Variants in COMMD6 observed in about 807,000 individuals in gnomAD.
The protein encoded by COMMD6 is COMM domain-containing protein 6.
In COMMD6, 11 loss-of-function variants were observed where a neutral mutation model predicts 13.4. The ratio of observed to expected loss-of-function variants is 0.82; its 90% CI spans 0.52 to 1.36. The LOEUF is 1.36. COMMD6 is among the 40% of genes most tolerant of loss of function. COMMD6 has a pLI of 0.00. For synonymous variants in COMMD6, 43 were observed against 36.5 expected (o/e 1.18, Z -0.64); for missense variants, 124 against 102.4 (o/e 1.21, Z -0.91).
At chr13:75,531,868 C>G (rs1454432155) in intron 2 of COMMD6, among the ~76,000 whole-genome samples, 1 of 152,218 alleles carries the variant, frequency 6.6e-6, no homozygotes, top group Non-Finnish European at 1.5e-5. Flanking sequence ...CTTAGAAAAA[C>G]TTTTTGAATA....
At chr13:75,546,134 A>C (rs2138431761) in intron 1 of COMMD6, among the ~76,000 whole-genome samples, 1 of 152,334 alleles carries the variant, frequency 6.6e-6, no homozygotes, top group Middle Eastern at 3.4e-3. Context: ...TATCCCCAAA[A>C]ATTGAAAAAT....
chr13:75,544,849 C>T (rs1348886163), intron 1 of COMMD6, among the ~76,000 whole-genome samples: 1 of 145,648 alleles, frequency 6.9e-6, no homozygotes, highest in Non-Finnish European at 1.5e-5. Flanking sequence ...TTGCTTGAAC[C>T]TGGGAGGCGG....
At position 75,528,698 on chromosome 13, in the gene COMMD6, T is replaced by G. The variant is rs149265064; in HGVS notation, c.207+1416A>C. Among the ~76,000 whole-genome samples the G allele has an allele frequency of 3.9e-3, 587 of 151,820 alleles. 4 individuals are homozygous for G. The highest frequency in any genetic ancestry group is 0.013 in the African/African-American group (550 of 41,380). On this transcript the variant is annotated intron_variant, in intron 3 of 3. Coordinates refer to ENST00000682242, the MANE Select transcript of COMMD6 (RefSeq NM_203495.4). Reference sequence around the variant, plus strand: ...CTCTACTAAAAATACAAAAATTAGCTGGGCGTGGTGCTGCGTGCCTGTAAT... The same window carrying G: ...CTCTACTAAAAATACAAAAATTAGCGGGGCGTGGTGCTGCGTGCCTGTAAT...
intron 2 of COMMD6, among the ~76,000 whole-genome samples, chr13:75,533,748 G>C (rs1301794615): frequency 6.6e-6 from 1 of 152,062 alleles, no homozygotes; most frequent in Non-Finnish European, 1.5e-5. Flanking sequence ...TACAACTATA[G>C]TTGTTTATAG....
intron 2 of COMMD6, among the ~76,000 whole-genome samples, chr13:75,530,816 A>C (rs1424627525): frequency 6.6e-6 from 1 of 152,246 alleles, no homozygotes; most frequent in Non-Finnish European, 1.5e-5. Context: ...GGTAATGTGC[A>C]TAAAGTCACA....
chr13:75,526,305 C>T lies in COMMD6; in HGVS notation c.*284G>A. The T allele has an allele frequency of 3.5e-6, 1 of 284,678 alleles. No homozygotes were observed. The highest frequency in any genetic ancestry group is 6.4e-6 in the Non-Finnish European group (1 of 155,150). 17.6% of individuals were successfully genotyped at this position (284,678 alleles called of 1,614,324 possible). ...TGTAACACATAAATTTGTGCTGCCT[C>T]CAACAGCAATGATTCAACTGTTAGT... On this transcript the variant is annotated 3_prime_UTR_variant, in exon 4 of 4. Transcript: ENST00000682242.
In COMMD6 at chr13:75,525,308, A is replaced by C. The variant is rs1204867515; in HGVS notation, c.*1281T>G. Reference sequence around the variant, plus strand: ...TTTTTGCATATTGCCTTAAACCTAGAAATGCTACCCTGCAAACAGGGAAGG... The same window carrying C: ...TTTTTGCATATTGCCTTAAACCTAGCAATGCTACCCTGCAAACAGGGAAGG... On this transcript the variant is annotated 3_prime_UTR_variant, in exon 4 of 4. Coordinates refer to ENST00000682242, the MANE Select transcript of COMMD6 (RefSeq NM_203495.4). The C allele has an allele frequency of 6.6e-6, 1 of 152,216 alleles. No homozygotes were observed. The highest frequency in any genetic ancestry group is 2.4e-5 in the African/African-American group (1 of 41,462). The allele number at this position is 152,216 out of a possible 1,614,324, so 9.4% of individuals were successfully genotyped here. A position where few individuals can be genotyped will look rare whatever the true frequency, so the allele number is the denominator to read the frequency against.
In COMMD6 at chr13:75,526,590, C is replaced by T. The variant is rs2030268346; in HGVS notation, c.257G>A (p.Ter86=). Residue 86 remains the stop codon, a stop_retained_variant, in exon 4 of 4, where the codon TGA becomes TAA. Coordinates refer to ENST00000682242, the MANE Select transcript of COMMD6 (RefSeq NM_203495.4). ...ATTTATCAACCAAAGAATCCGTCTT[C>T]ACACCGTTTCAATAACTGCAGCAAT... ...KEIAAVIETV[*] is the part of the protein sequence containing the mutation. The T allele has an allele frequency of 6.2e-7, 1 of 1,602,016 alleles. No homozygotes were observed. The highest frequency in any genetic ancestry group is 2.2e-5 in the East Asian group (1 of 44,568).
chr13:75,527,904 A>C (rs567009579), intron 3 of COMMD6: 4 of 1,459,450 alleles, frequency 2.7e-6, no homozygotes, highest in Non-Finnish European at 3.6e-6. Flanking sequence ...TTGGTTACAA[A>C]ATGAGTAAGT....
intron 2 of COMMD6, 181 bp downstream of exon 2, chr13:75,537,482 AC>A (rs2030711499): frequency 6.4e-7 from 1 of 1,553,248 alleles, no homozygotes; most frequent in South Asian, 1.2e-5. Context: ...AGCTTTCATT[AC>A]AATGGCAACG....
intron 2 of COMMD6, among the ~76,000 whole-genome samples, chr13:75,534,718 G>T (rs964258555): frequency 7.9e-5 from 12 of 152,068 alleles, no homozygotes; most frequent in Non-Finnish European, 1.2e-4. Flanking sequence ...TGAATATAAA[G>T]AATAATCAGA....
At chr13:75,537,297 C>T (rs1405837465) in intron 2 of COMMD6, 10 of 1,540,962 alleles carry the variant, frequency 6.5e-6, no homozygotes, top group South Asian at 1.2e-5. Context: ...ACTCCATCTT[C>T]AAAAATAACT....
intron 1 of COMMD6, among the ~76,000 whole-genome samples, chr13:75,546,746 C>T (rs2030910574): frequency 6.6e-6 from 1 of 152,166 alleles, no homozygotes; most frequent in African/African-American, 2.4e-5. Context: ...AGGCATGCCA[C>T]TATATTTAAT....
At chr13:75,530,950 G>A (rs2030456965) in intron 2 of COMMD6, among the ~76,000 whole-genome samples, 1 of 152,136 alleles carries the variant, frequency 6.6e-6, no homozygotes, top group Admixed American at 6.5e-5. Context: ...TGATGCCATG[G>A]CATAAAACAT....
intron 2 of COMMD6, among the ~76,000 whole-genome samples, chr13:75,536,290 A>G (rs1207597786): frequency 1.3e-5 from 2 of 152,206 alleles, no homozygotes; most frequent in Non-Finnish European, 2.9e-5. Context: ...ATTAATTCTA[A>G]TAATGTTTGT....
chr13:75,537,665 T>TG lies in COMMD6; in HGVS notation c.52dup (p.Gln18ProfsTer22). The TG allele has an allele frequency of 6.2e-7, 1 of 1,613,456 alleles. No individual in the cohort carries two copies. Among genetic ancestry groups the TG allele is most frequent in the Non-Finnish European group, 8.5e-7 (1 of 1,179,488 alleles). ...AGGGCGGGGCGGCCGCTCACCCACC[T>TG]GGTTGGTGACCTGAAACGGAAGCAG... On this transcript the variant is annotated frameshift_variant and splice_region_variant, in exon 2 of 4. Transcript: ENST00000682242. LOFTEE classifies it high-confidence loss of function.
At chr13:75,545,722 C>T (rs1044188656) in intron 1 of COMMD6, among the ~76,000 whole-genome samples, 1 of 152,078 alleles carries the variant, frequency 6.6e-6, no homozygotes, top group Admixed American at 6.5e-5. Context: ...CTGCCCGCCT[C>T]GGCCTCCCTG....
chr13:75,548,162 G>A (rs1401631364), intron 1 of COMMD6, among the ~76,000 whole-genome samples: 1 of 152,236 alleles, frequency 6.6e-6, no homozygotes, highest in Non-Finnish European at 1.5e-5. Flanking sequence ...TTGAAAAGCA[G>A]CCCCTGGCAT....
chr13:75,537,801 T>G lies in COMMD6; in HGVS notation c.5A>C (p.Glu2Ala). Residue 2 changes from glutamate (E) to alanine (A), a missense_variant, in exon 1 of 4, where the codon GAG (glutamate) becomes GCG (alanine). Glu to Ala is a moderately radical substitution (Grantham distance 107). Transcript: ENST00000682242. The stretch of plus-strand genomic sequence containing the variant: ...ATCCAGCGGCGGCTCGCTGGACGCC[T>G]CCATGGGCAGCGTCTGGGACTTGCG... The part of the protein sequence containing the change: M[E>A]ASSEPPLDAK... 6.2e-7 allele frequency: 1 copy of G among 1,605,670 alleles called. No individual in the cohort carries two copies. Among genetic ancestry groups the G allele is most frequent in the Non-Finnish European group, 8.5e-7 (1 of 1,174,386 alleles).
Sources: allele counts gnomAD v4.1 joint callset (sites outside exome capture counted in the v4.1 genomes callset), GRCh38; gene constraint gnomAD v4.1.1; transcripts MANE v1.5; gene names NCBI Gene and HGNC (gene_info 2026-07-23, HGNC 2026-07-21).